ITGA11: variants seen among roughly 807,000 people sequenced by gnomAD.
ITGA11 encodes the protein integrin alpha-11.
A neutral mutation model predicts 141.9 loss-of-function variants in ITGA11; 97 were observed. The ratio of observed to expected loss-of-function variants is 0.68; its 90% CI spans 0.58 to 0.81. The LOEUF (loss-of-function observed/expected upper bound fraction) is 0.81, where lower values mean the gene tolerates loss of function less well. Among genes scored for constraint, ITGA11 ranks in the 30% least tolerant of loss-of-function variants. The pLI is 0.00. For missense variants in ITGA11, 1,387 were observed against 1,559.2 expected, an observed-to-expected ratio of 0.89 and a Z score of 1.86; for synonymous variants, 658 against 624.6, an observed-to-expected ratio of 1.05 and a Z score of -0.80.
At chr15:68,350,483 C>T (rs990574241) in intron 9 of ITGA11, 134 bp downstream of exon 9, 3 of 839,498 alleles carry the variant, frequency 3.6e-6, no homozygotes, top group Non-Finnish European at 1.8e-6. Flanking sequence ...AGTCACCATG[C>T]CTGGCCTGGC....
At chr15:68,431,923 G>C (rs2305078) in intron 1 of ITGA11, 92 bp downstream of exon 1, 773,484 of 858,102 alleles carry the variant, frequency 0.9, 349,777 homozygotes, top group East Asian at 0.98. Context: ...CTGGGAGGAG[G>C]GTCGCGTCCC....
At chr15:68,379,708 C>T (rs796606288) in intron 2 of ITGA11, among the ~76,000 whole-genome samples, 1 of 152,234 alleles carries the variant, frequency 6.6e-6, no homozygotes, top group Non-Finnish European at 1.5e-5. Flanking sequence ...TCTCCCATCT[C>T]TTTGCAAGAT....
Position 68,350,498 on chromosome 15 carries a change from A to G in ITGA11, c.1060+119T>C, listed in dbSNP as rs533395159. 1.6e-5 allele frequency: 16 copies of G among 975,100 alleles called. No individual in the cohort carries two copies. The African/African-American group carries it at 2.5e-4, about 15-fold the overall frequency. 60.4% of individuals were successfully genotyped at this position (975,100 alleles called of 1,614,324 possible). A position where few individuals can be genotyped will look rare whatever the true frequency, so the allele number is the denominator to read the frequency against. On this transcript the variant is annotated intron_variant, in intron 9 of 29. Coordinates refer to ENST00000315757, the MANE Select transcript of ITGA11 (RefSeq NM_001004439.2). ...AGTCACCATGCCTGGCCTGGCATTT[A>G]TTATTACGGAAGACTCTTGTTAAGC...
At chr15:68,342,849 G>A (rs992622291) in intron 10 of ITGA11, among the ~76,000 whole-genome samples, 1 of 152,122 alleles carries the variant, frequency 6.6e-6, no homozygotes, top group African/African-American at 2.4e-5. Flanking sequence ...GGTCCCTTAC[G>A]GCAGAGTTAT....
intron 16 of ITGA11, among the ~76,000 whole-genome samples, chr15:68,327,810 T>A (rs1894028235): frequency 6.6e-6 from 1 of 152,160 alleles, no homozygotes; most frequent in Admixed American, 6.5e-5. Context: ...TCCACTGGCA[T>A]CAGTCCTGTG....
intron 9 of ITGA11, 70 bp downstream of exon 9, chr15:68,350,547 T>G: frequency 1.4e-6 from 2 of 1,450,798 alleles, no homozygotes; most frequent in Non-Finnish European, 1.9e-6. Context: ...GGGATTGGTT[T>G]GTGCTCTACG....
Position 68,361,627 on chromosome 15 carries a change from G to A in ITGA11, c.435C>T (p.Asn145=). The stretch of plus-strand genomic sequence containing the variant: ...GGGCCACGGTCTTGGAGAACCTGAA[G>A]TTGGAGTTGACTCTTGAACACATCC... ...TTGMCSRVNS[N]FRFSKTVAPA... is the part of the protein sequence containing the mutation. The change falls in exon 5 of 30, where the codon AAC becomes AAT. Residue 145 remains asparagine, a synonymous_variant. Transcript: ENST00000315757. 6.2e-7 allele frequency: 1 copy of A among 1,610,186 alleles called. No homozygotes were observed. The highest frequency in any genetic ancestry group is 2.2e-5 in the East Asian group (1 of 44,830).
intron 21 of ITGA11, among the ~76,000 whole-genome samples, chr15:68,316,798 CA>C (rs1368881210): frequency 6.6e-6 from 1 of 152,246 alleles, no homozygotes; most frequent in African/African-American, 2.4e-5. Context: ...ACACTCCCTG[CA>C]ATCTGGCGTC....
chr15:68,339,577 G>C lies in ITGA11; in HGVS notation c.1199C>G (p.Ala400Gly). 1 of 1,613,966 alleles carries C rather than the reference G, an allele frequency of 6.2e-7. No individual in the cohort carries two copies. The change falls in exon 11 of 30, where the codon GCC becomes GGC. Residue 400 changes from alanine to glycine, a missense_variant. Physicochemically the swap from Ala to Gly is moderately conservative, Grantham distance 60 (BLOSUM62 0). Transcript: ENST00000315757. ...WNGAVLKETS[A>G]GKVIPLRESY... ...CTCGCGGAGAGGAATGACCTTCCCG[G>C]CACTCGTCTCCTTTAGCACAGCTCC... is the stretch of plus-strand genomic sequence containing the variant.
At chr15:68,396,145 C>T (rs1226202529) in intron 2 of ITGA11, among the ~76,000 whole-genome samples, 1 of 151,956 alleles carries the variant, frequency 6.6e-6, no homozygotes, top group Non-Finnish European at 1.5e-5. Context: ...AATACCCCAA[C>T]AGAAACAAAA....
At chr15:68,428,209 C>A (rs1034169399) in intron 1 of ITGA11, among the ~76,000 whole-genome samples, 2 of 152,190 alleles carry the variant, frequency 1.3e-5, no homozygotes, top group African/African-American at 4.8e-5. Context: ...AGAGCAAAGC[C>A]AGCTCAGCTT....
rs1206069039 is a variant in ITGA11, at chr15:68,325,502, C to T, written c.2212-261G>A. 2.0e-5 allele frequency among the ~76,000 whole-genome samples: 3 copies of T among 152,206 alleles called. No individual in the cohort carries two copies. The highest frequency in any genetic ancestry group is 4.4e-5 in the Non-Finnish European group (3 of 68,036). Reference sequence around the variant, plus strand: ...TTTTGCCAAGCTCCTGCACATCCTTCGGGGCCAGACTCCCATTGCCCGGGT... The same window carrying T: ...TTTTGCCAAGCTCCTGCACATCCTTTGGGGCCAGACTCCCATTGCCCGGGT... On this transcript the variant is annotated intron_variant, in intron 17 of 29. Coordinates refer to ENST00000315757, the MANE Select transcript of ITGA11 (RefSeq NM_001004439.2). This position sits in a 1 kb window ranked among gnomAD's most constrained non-coding sequence, Gnocchi z 5.5.
intron 10 of ITGA11, among the ~76,000 whole-genome samples, chr15:68,345,863 C>T (rs563835320): frequency 8.5e-5 from 13 of 152,334 alleles, no homozygotes; most frequent in South Asian, 2.1e-4. Context: ...ATGGCATCAG[C>T]GGCCTGGCAC....
At chr15:68,363,383 A>T (rs1446006543) in intron 4 of ITGA11, among the ~76,000 whole-genome samples, 1 of 152,164 alleles carries the variant, frequency 6.6e-6, no homozygotes, top group African/African-American at 2.4e-5. Flanking sequence ...CCTGACGGAT[A>T]TGTGTGTGGA....
At chr15:68,376,573 C>T (rs1895734821) in intron 2 of ITGA11, among the ~76,000 whole-genome samples, 1 of 152,238 alleles carries the variant, frequency 6.6e-6, no homozygotes, top group African/African-American at 2.4e-5. Context: ...GGTGAATCAC[C>T]TGGCTTAGTG....
intron 10 of ITGA11, among the ~76,000 whole-genome samples, 179 bp downstream of exon 10, chr15:68,348,651 A>T (rs555054713): frequency 2.0e-5 from 3 of 152,098 alleles, no homozygotes; most frequent in African/African-American, 7.2e-5. Flanking sequence ...GAAGACCTCG[A>T]CTCCCCTCTT....
chr15:68,332,713 G>C lies in ITGA11; in HGVS notation c.1426-235C>G, dbSNP rs190942744. Among the ~76,000 whole-genome samples the C allele has an allele frequency of 1.1e-3, 168 of 151,904 alleles. 1 individual carries two copies. Among genetic ancestry groups the C allele is most frequent in the Middle Eastern group, 3.4e-3 (1 of 294 alleles). ...CTTTTCCTTCTGTCATTATCCCCTCGCCACTCTTCTTTCTTTCTGTTAATT... is the reference window on the plus strand; with the variant it reads ...CTTTTCCTTCTGTCATTATCCCCTCCCCACTCTTCTTTCTTTCTGTTAATT... On this transcript the variant is annotated intron_variant, in intron 12 of 29. Transcript: ENST00000315757.
chr15:68,368,110 T>G (rs549175201), intron 3 of ITGA11, among the ~76,000 whole-genome samples: 1 of 152,334 alleles, frequency 6.6e-6, no homozygotes, highest in South Asian at 2.1e-4. Flanking sequence ...TTCTTTTGGA[T>G]GCTGACCTTT....
At chr15:68,369,389 T>TGTGGGGGGGGG in intron 2 of ITGA11, 105 bp from the exon 3 acceptor site, 1 of 38,336 alleles carries the variant, frequency 2.6e-5, no homozygotes, top group East Asian at 6.7e-4. Flanking sequence ...GTGGGGAGGG[T>TGTGGGGGGGGG]GGGAGGGAAC....
Sources: allele counts gnomAD v4.1 joint callset (sites outside exome capture counted in the v4.1 genomes callset), GRCh38; gene constraint gnomAD v4.1.1; non-coding constraint Gnocchi (gnomAD v3.1); transcripts MANE v1.5; gene names NCBI Gene and HGNC (gene_info 2026-07-23, HGNC 2026-07-21).